The following MSN variants were observed in gnomAD, a reference collection of about 807,000 sequenced individuals.
The protein encoded by MSN is moesin, also known as epididymis luminal protein 70.
In MSN, 2 loss-of-function variants were observed where a neutral mutation model predicts 48.0. The observed-to-expected ratio is 0.04, with a 90% CI of 0.02 to 0.13. The LOEUF is 0.13. Among genes scored for constraint, MSN ranks in the 10% least tolerant of loss-of-function variants. The pLI, the probability that MSN is intolerant of heterozygous loss-of-function variation, is 1.00. For synonymous variants in MSN, 146 were observed against 166.9 expected (o/e 0.87, Z 0.97); for missense variants, 267 against 470.1 (o/e 0.57, Z 3.99).
intron 1 of MSN, chrX:65,600,572 T>A (rs1283676175): frequency 1.8e-5 from 2 of 112,163 alleles, no homozygotes; most frequent in Non-Finnish European, 3.8e-5. Context: ...CAGCTTGAAA[T>A]CCTATTACTG....
intron 1 of MSN, among the ~76,000 whole-genome samples, chrX:65,600,949 C>T (rs1330835731): frequency 1.8e-5 from 2 of 111,762 alleles, no homozygotes; most frequent in Admixed American, 9.5e-5. Context: ...TCTCAAGAGC[C>T]GTCAGCTCTA....
chrX:65,597,585 C>A (rs1277394099), intron 1 of MSN, among the ~76,000 whole-genome samples: 2 of 108,687 alleles, frequency 1.8e-5, no homozygotes, highest in African/African-American at 6.7e-5. Flanking sequence ...TAGGCTCAAG[C>A]GATCTTCCTA....
chrX:65,593,941 G>T (rs1201917306), intron 1 of MSN, among the ~76,000 whole-genome samples: 2 of 112,384 alleles, frequency 1.8e-5, no homozygotes, highest in Admixed American at 1.9e-4. Flanking sequence ...GATTGGGAGA[G>T]AAAAACTTTT....
chrX:65,724,450 CCTT>C (rs2071548246), intron 2 of MSN, among the ~76,000 whole-genome samples: 1 of 110,920 alleles, frequency 9.0e-6, no homozygotes, highest in African/African-American at 3.3e-5. Flanking sequence ...GGCTAATCCT[CCTT>C]CTCTTATCAC....
intron 1 of MSN, among the ~76,000 whole-genome samples, chrX:65,617,433 G>A (rs2070385247): frequency 9.6e-6 from 1 of 104,559 alleles, no homozygotes; most frequent in African/African-American, 4.2e-5. Flanking sequence ...GTTTAGTCTT[G>A]GGAGAGTGTA....
intron 1 of MSN, among the ~76,000 whole-genome samples, chrX:65,654,882 TTTATGC>T (rs2070770519): frequency 9.0e-6 from 1 of 111,241 alleles, no homozygotes; most frequent in East Asian, 2.8e-4. Flanking sequence ...GTGGGAGCTT[TTTATGC>T]CAGGGTAATA....
chrX:65,704,330 T>C (rs772284183), intron 1 of MSN, among the ~76,000 whole-genome samples: 1 of 112,235 alleles, frequency 8.9e-6, no homozygotes, highest in Admixed American at 9.5e-5. Flanking sequence ...TCTGTTGTTC[T>C]TGGCTGCCTG....
intron 1 of MSN, among the ~76,000 whole-genome samples, chrX:65,648,645 G>C (rs2070714028): frequency 9.0e-6 from 1 of 111,402 alleles, no homozygotes; most frequent in Non-Finnish European, 1.9e-5. Context: ...GGCCGAGATG[G>C]GTGGATCACG....
chrX:65,702,115 C>A (rs1238877624), intron 1 of MSN, among the ~76,000 whole-genome samples: 1 of 106,802 alleles, frequency 9.4e-6, no homozygotes, highest in East Asian at 3.0e-4. Flanking sequence ...CGGGTTCAAG[C>A]GATTCTCCTT....
At chrX:65,730,032 T>G (rs1247826446) in intron 4 of MSN, among the ~76,000 whole-genome samples, 11 of 112,046 alleles carry the variant, frequency 9.8e-5, no homozygotes, top group Non-Finnish European at 3.8e-5. Flanking sequence ...TTCTCAGTTC[T>G]TTTTACTGAT....
At chrX:65,638,745 C>A (rs911426915) in intron 1 of MSN, among the ~76,000 whole-genome samples, 1 of 111,623 alleles carries the variant, frequency 9.0e-6, no homozygotes, top group Non-Finnish European at 1.9e-5. Flanking sequence ...GAAGAGACAG[C>A]GTTTCACCAT....
intron 1 of MSN, among the ~76,000 whole-genome samples, chrX:65,640,186 C>G (rs1193018466): frequency 9.0e-6 from 1 of 111,675 alleles, no homozygotes; most frequent in Non-Finnish European, 1.9e-5. Flanking sequence ...TTACACCACC[C>G]CACCTCCCTG....
chrX:65,657,957 C>A (rs763811176), intron 1 of MSN, among the ~76,000 whole-genome samples: 37 of 112,088 alleles, frequency 3.3e-4, no homozygotes, highest in African/African-American at 1.2e-3. Flanking sequence ...TCAATGTCCT[C>A]ATTTCTACCA....
chrX:65,633,178 T>A (rs1162398976), intron 1 of MSN, among the ~76,000 whole-genome samples: 1 of 110,426 alleles, frequency 9.1e-6, no homozygotes, highest in Non-Finnish European at 1.9e-5. Flanking sequence ...AAAAAAAGAG[T>A]TTAGACTTTA....
chrX:65,711,575 A>G (rs912173110), intron 1 of MSN, among the ~76,000 whole-genome samples: 1 of 112,743 alleles, frequency 8.9e-6, no homozygotes, highest in Admixed American at 9.4e-5. Context: ...CACGTTTGAA[A>G]TTACAGTGGC....
intron 1 of MSN, among the ~76,000 whole-genome samples, chrX:65,633,136 T>C (rs2070571360): frequency 9.0e-6 from 1 of 111,183 alleles, no homozygotes; most frequent in Non-Finnish European, 1.9e-5. Flanking sequence ...GGGAGGACAT[T>C]GTGAGGGATC....
intron 1 of MSN, among the ~76,000 whole-genome samples, chrX:65,612,200 A>G (rs1308723219): frequency 1.0e-5 from 1 of 96,919 alleles, no homozygotes; most frequent in Non-Finnish European, 1.9e-5. Context: ...TATTGTGGGA[A>G]AAGGCTCATT....
chrX:65,739,685 T>G (rs781403301), intron 12 of MSN, 44 bp from the exon 13 acceptor site: 2 of 1,156,935 alleles, frequency 1.7e-6, no homozygotes, highest in Non-Finnish European at 2.3e-6. Context: ...GGAGGTAAAA[T>G]GAGAGAAAGC....
rs144872233 is a variant in MSN, at chrX:65,650,997, T to G, written c.-22+62385T>G. On this transcript the variant is annotated intron_variant, in intron 1 of 3. Coordinates refer to the MSN transcript ENST00000609672. ...CCACTGTTCCACTTATAAAGACCGT[T>G]GTGATTACACTGTGCCCACGCGGGT... Among the ~76,000 whole-genome samples the G allele has an allele frequency of 2.8e-3, 308 of 111,866 alleles. 3 individuals are homozygous for G. The highest frequency in any genetic ancestry group is 9.6e-3 in the African/African-American group (296 of 30,847).
Sources: allele counts gnomAD v4.1 joint callset (sites outside exome capture counted in the v4.1 genomes callset), GRCh38; gene constraint gnomAD v4.1.1; transcripts MANE v1.5; gene names NCBI Gene and HGNC (gene_info 2026-07-23, HGNC 2026-07-21).